The following ARHGAP12 variants were observed in gnomAD, a reference collection of about 807,000 sequenced individuals.
ARHGAP12 encodes Rho GTPase activating protein 12.
ARHGAP12 carries 64 observed loss-of-function variants against 108.6 expected under a neutral mutation model. The observed-to-expected ratio is 0.59, with a 90% CI of 0.48 to 0.73. The LOEUF (loss-of-function observed/expected upper bound fraction) is 0.73, where lower values mean the gene tolerates loss of function less well. Ranked by LOEUF, ARHGAP12 falls within the 30% of genes least tolerant of loss-of-function variation. The probability of loss-of-function intolerance (pLI) is 0.00; values close to 1 mark genes in which losing one functional copy is unlikely to be tolerated. For missense variants in ARHGAP12, 940 were observed against 1,005.9 expected (o/e 0.93, Z 0.89); for synonymous variants, 312 against 337.2 (o/e 0.93, Z 0.82).
intron 3 of ARHGAP12, among the ~76,000 whole-genome samples, chr10:31,895,803 G>A (rs1017133737): frequency 1.6e-4 from 25 of 151,986 alleles, no homozygotes; most frequent in African/African-American, 4.6e-4. Flanking sequence ...TGTTTATTGC[G>A]GCATTATTCA....
In ARHGAP12 at chr10:31,812,820, A is replaced by T; in HGVS notation, c.1838T>A (p.Phe613Tyr). Residue 613 changes from phenylalanine (F) to tyrosine (Y), a missense_variant, in exon 15 of 20, where the codon TTT (phenylalanine) becomes TAT (tyrosine). Physicochemically the swap from Phe to Tyr is conservative, Grantham distance 22. Coordinates refer to ENST00000344936, the MANE Select transcript of ARHGAP12 (RefSeq NM_018287.7). The part of the protein sequence containing the change: ...EQKDPKKLRS[F>Y]KVSSIDSSEQ... ...TGAAGAATCTATGCTAGATACTTTA[A>T]AGGCTTAAGACAAAAAGACAGGTAA... 1 of 1,545,114 alleles carries T rather than the reference A, an allele frequency of 6.5e-7. No individual in the cohort carries two copies.
At chr10:31,893,636 G>C (rs1838551052) in intron 3 of ARHGAP12, among the ~76,000 whole-genome samples, 1 of 152,190 alleles carries the variant, frequency 6.6e-6, no homozygotes. Context: ...TCCAGGACCA[G>C]ATGGATTCAC....
chr10:31,923,291 G>A (rs1839897936), intron 1 of ARHGAP12, among the ~76,000 whole-genome samples: 1 of 152,140 alleles, frequency 6.6e-6, no homozygotes, highest in South Asian at 2.1e-4. Context: ...ACATCTCACA[G>A]AATGGCTAAG....
Position 31,908,512 on chromosome 10 carries a change from C to T in ARHGAP12, c.344G>A (p.Ser115Asn), listed in dbSNP as rs1424406025. The T allele has an allele frequency of 6.2e-7, 1 of 1,614,214 alleles. No individual in the cohort carries two copies. The highest frequency in any genetic ancestry group is 1.7e-5 in the Admixed American group (1 of 60,028). The change falls in exon 3 of 20, where the codon AGT (serine) becomes AAT (asparagine). Residue 115 changes from serine to asparagine, a missense_variant. Coordinates refer to ENST00000344936, the MANE Select transcript of ARHGAP12 (RefSeq NM_018287.7). The stretch of plus-strand genomic sequence containing the variant: ...AACAGATGACGATGGCTTTCCGAAA[C>T]TTGAAAGCTCAGGCAATTTGTTCAC... ...ENVNKLPELS[S>N]FGKPSSSVQG...
Position 31,887,730 on chromosome 10 carries a change from T to C in ARHGAP12, c.684+20442A>G, listed in dbSNP as rs1022384553. Among the ~76,000 whole-genome samples, 6 of 148,630 alleles carry C rather than the reference T, an allele frequency of 4.0e-5. No homozygotes were observed. The East Asian group carries it at 1.0e-3, about 26-fold the overall frequency. ...TGGAGTGCAGTGGCGTGATCTCGCC[T>C]CACTGCAAGCTCCACCTCCTGGGTT... On this transcript the variant is annotated intron_variant, in intron 3 of 19. Coordinates refer to ENST00000344936, the MANE Select transcript of ARHGAP12 (RefSeq NM_018287.7).
intron 6 of ARHGAP12, among the ~76,000 whole-genome samples, chr10:31,844,324 C>T (rs916014734): frequency 6.6e-6 from 1 of 152,166 alleles, no homozygotes; most frequent in Non-Finnish European, 1.5e-5. Context: ...TATCTTTCCA[C>T]AGTCTTTAAA....
At chr10:31,817,077 T>G (rs908043643) in intron 13 of ARHGAP12, among the ~76,000 whole-genome samples, 1 of 152,060 alleles carries the variant, frequency 6.6e-6, no homozygotes, top group East Asian at 1.9e-4. Flanking sequence ...CCAGGCACAG[T>G]GGAGCACACT....
intron 3 of ARHGAP12, among the ~76,000 whole-genome samples, chr10:31,899,583 A>C (rs1838840842): frequency 6.6e-6 from 1 of 152,208 alleles, no homozygotes; most frequent in African/African-American, 2.4e-5. Flanking sequence ...ATACCCACAA[A>C]AATTGATCTT....
At chr10:31,921,165 A>G (rs1159330990) in intron 1 of ARHGAP12, among the ~76,000 whole-genome samples, 2 of 152,110 alleles carry the variant, frequency 1.3e-5, no homozygotes, top group African/African-American at 4.8e-5. Flanking sequence ...ATGCACCTGT[A>G]GTCCCAGCTA....
chr10:31,839,681 G>A lies in ARHGAP12; in HGVS notation c.1327C>T (p.Pro443Ser), dbSNP rs866562410. ...GAGGAGGGAGAAGACTCATTTTCAGGAAAGCAGGGTTTTGAGGCAGTTGGA... is the reference window on the plus strand; with the variant it reads ...GAGGAGGGAGAAGACTCATTTTCAGAAAAGCAGGGTTTTGAGGCAGTTGGA... ...ESPTASKPCF[P>S]ENESSPSSPK... is the part of the protein sequence containing the mutation. The change falls in exon 8 of 20, where the codon CCT becomes TCT. Residue 443 changes from proline (P) to serine (S), a missense_variant. Coordinates refer to ENST00000344936, the MANE Select transcript of ARHGAP12 (RefSeq NM_018287.7). The A allele has an allele frequency of 6.2e-7, 1 of 1,608,910 alleles. No homozygotes were observed. Among genetic ancestry groups the A allele is most frequent in the Non-Finnish European group, 8.5e-7 (1 of 1,176,642 alleles).
rs368931015 is a variant in ARHGAP12, at chr10:31,831,664, T to C, written c.1448+75A>G. Reference sequence around the variant, plus strand: ...ATTCTTCAGCACCTATTGTTTATACTAAAATAATTATATTGAGAATTTTTA... The same window carrying C: ...ATTCTTCAGCACCTATTGTTTATACCAAAATAATTATATTGAGAATTTTTA... On this transcript the variant is annotated intron_variant, in intron 10 of 19. Transcript: ENST00000344936. The C allele has an allele frequency of 1.0e-4, 106 of 1,016,332 alleles. No individual in the cohort carries two copies. The African/African-American group carries it at 1.5e-3, about 14-fold the overall frequency. The allele number at this position is 1,016,332 out of a possible 1,614,324, so 63.0% of individuals were successfully genotyped here. A position where few individuals can be genotyped will look rare whatever the true frequency, so the allele number is the denominator to read the frequency against.
At chr10:31,880,524 A>G (rs1837907056) in intron 3 of ARHGAP12, among the ~76,000 whole-genome samples, 1 of 152,214 alleles carries the variant, frequency 6.6e-6, no homozygotes, top group African/African-American at 2.4e-5. Context: ...TTCTGAAACA[A>G]AAAGAATAAG....
chr10:31,896,077 C>T (rs1328644531), intron 3 of ARHGAP12, among the ~76,000 whole-genome samples: 2 of 148,608 alleles, frequency 1.3e-5, no homozygotes, highest in Non-Finnish European at 3.0e-5. Flanking sequence ...CATCACACAC[C>T]GGGGCCTGTT....
At chr10:31,916,702 T>C (rs2808051) in intron 1 of ARHGAP12, among the ~76,000 whole-genome samples, 72,683 of 151,946 alleles carry the variant, frequency 0.48, 17,569 homozygotes, top group Middle Eastern at 0.52. Flanking sequence ...CTGCAATCTC[T>C]GCCACCCGGG....
At position 31,922,082 on chromosome 10, in the gene ARHGAP12, C is replaced by T. The variant is rs186928764; in HGVS notation, c.-111+6601G>A. Among the ~76,000 whole-genome samples the T allele has an allele frequency of 1.0e-3, 150 of 147,812 alleles. 4 individuals carry two copies. The highest frequency in any genetic ancestry group is 1.0e-2 in the Admixed American group (146 of 14,630). ...TGGCATGTGCCTGTGGTCCCAGCTA[C>T]TCAGGAGGCTGAGGCTTGTGTCCAG... is the stretch of plus-strand genomic sequence containing the variant. On this transcript the variant is annotated intron_variant, in intron 1 of 19. Transcript: ENST00000344936.
chr10:31,814,550 A>AT (rs1170054288), intron 13 of ARHGAP12, among the ~76,000 whole-genome samples, 189 bp from the exon 14 acceptor site: 1 of 152,054 alleles, frequency 6.6e-6, no homozygotes, highest in East Asian at 1.9e-4. Flanking sequence ...ATCAATTTTG[A>AT]TTTTTTTAAA....
intron 9 of ARHGAP12, among the ~76,000 whole-genome samples, chr10:31,832,223 C>T (rs1384110574): frequency 1.3e-5 from 2 of 152,176 alleles, no homozygotes; most frequent in African/African-American, 4.8e-5. Context: ...TACTAACTCA[C>T]TTTGTCAAAA....
At chr10:31,812,478 C>T (rs897604026) in intron 15 of ARHGAP12, among the ~76,000 whole-genome samples, 3 of 152,146 alleles carry the variant, frequency 2.0e-5, no homozygotes, top group African/African-American at 7.2e-5. Context: ...TCCTCTGAAA[C>T]AGGCTTTCTA....
chr10:31,879,353 C>T (rs985310929), intron 3 of ARHGAP12, among the ~76,000 whole-genome samples: 1 of 152,186 alleles, frequency 6.6e-6, no homozygotes, highest in Non-Finnish European at 1.5e-5. Context: ...CAGAGGTCTC[C>T]AGCCTGGGCA....
Sources: allele counts gnomAD v4.1 joint callset (sites outside exome capture counted in the v4.1 genomes callset), GRCh38; gene constraint gnomAD v4.1.1; transcripts MANE v1.5; gene names NCBI Gene and HGNC (gene_info 2026-07-23, HGNC 2026-07-21).